The following ERC2 variants were observed in gnomAD, a reference collection of about 807,000 sequenced individuals.
ERC2 encodes ERC protein 2.
Under a neutral mutation model 114.8 loss-of-function variants are expected in ERC2, and 42 were observed. The observed-to-expected ratio is 0.37, with a 90% CI of 0.29 to 0.47. ERC2 has a LOEUF of 0.47. Among genes scored for constraint, ERC2 ranks in the 20% least tolerant of loss-of-function variants. The probability of loss-of-function intolerance (pLI) is 0.99; values close to 1 mark genes in which losing one functional copy is unlikely to be tolerated. For synonymous variants in ERC2, 454 were observed against 425.5 expected (o/e 1.07, Z -0.82); for missense variants, 939 against 1,150.7 (o/e 0.82, Z 2.66).
At chr3:55,621,542 A>C (rs1033686998) in intron 17 of ERC2, among the ~76,000 whole-genome samples, 6 of 152,186 alleles carry the variant, frequency 3.9e-5, no homozygotes, top group Admixed American at 2.6e-4. Flanking sequence ...CAGGCACTGT[A>C]CTAGGCTAGG....
At chr3:56,056,551 A>G (rs1041619121) in intron 7 of ERC2, among the ~76,000 whole-genome samples, 1 of 152,182 alleles carries the variant, frequency 6.6e-6, no homozygotes, top group Non-Finnish European at 1.5e-5. Flanking sequence ...TGTATTATGT[A>G]TCATACATTA....
chr3:56,272,772 A>G (rs1215879173), intron 3 of ERC2, among the ~76,000 whole-genome samples: 1 of 149,814 alleles, frequency 6.7e-6, no homozygotes, highest in Non-Finnish European at 1.5e-5. Flanking sequence ...TCTCAATAAT[A>G]AAAAACAAAG....
At chr3:56,094,929 T>C (rs1244792993) in intron 6 of ERC2, among the ~76,000 whole-genome samples, 1 of 152,228 alleles carries the variant, frequency 6.6e-6, no homozygotes, top group Admixed American at 6.5e-5. Context: ...AATAAAGAGT[T>C]AGATGTAAAA....
At chr3:56,274,202 T>G (rs527985233) in intron 3 of ERC2, among the ~76,000 whole-genome samples, 1 of 152,204 alleles carries the variant, frequency 6.6e-6, no homozygotes, top group African/African-American at 2.4e-5. Flanking sequence ...TGAACCTTAT[T>G]GTGAACTGCG....
chr3:56,355,003 T>C (rs2058690078), intron 2 of ERC2, among the ~76,000 whole-genome samples: 1 of 152,162 alleles, frequency 6.6e-6, no homozygotes, highest in Non-Finnish European at 1.5e-5. Flanking sequence ...TACAGAAACA[T>C]CATCAAATGC....
At chr3:56,017,826 T>C (rs1284920959) in intron 8 of ERC2, among the ~76,000 whole-genome samples, 4 of 152,176 alleles carry the variant, frequency 2.6e-5, no homozygotes. Context: ...ACCCATTTTC[T>C]TCTCTGCTGC....
chr3:55,614,778 G>A (rs894971919), intron 17 of ERC2, among the ~76,000 whole-genome samples: 25 of 152,150 alleles, frequency 1.6e-4, no homozygotes, highest in Admixed American at 7.9e-4. Context: ...AAGACTGAGC[G>A]GGGAAAAAAC....
intron 2 of ERC2, among the ~76,000 whole-genome samples, chr3:56,408,347 C>T (rs1050551951): frequency 2.0e-5 from 3 of 152,148 alleles, no homozygotes; most frequent in African/African-American, 7.2e-5. Context: ...GTTGCTTGCC[C>T]AAGGACACAG....
intron 6 of ERC2, among the ~76,000 whole-genome samples, chr3:56,122,950 C>T (rs1281224353): frequency 1.3e-5 from 2 of 152,274 alleles, no homozygotes; most frequent in East Asian, 3.9e-4. Flanking sequence ...TTTAAGTCTT[C>T]ATACCGCAAG....
intron 14 of ERC2, among the ~76,000 whole-genome samples, chr3:55,877,907 G>C (rs1391454730): frequency 6.6e-6 from 1 of 152,044 alleles, no homozygotes; most frequent in Non-Finnish European, 1.5e-5. Flanking sequence ...ATCTGGCAAC[G>C]CCCCCTACAG....
At chr3:56,266,035 T>TAAAAA (rs2053273023) in intron 3 of ERC2, among the ~76,000 whole-genome samples, 1 of 8,650 alleles carries the variant, frequency 1.2e-4, no homozygotes, top group East Asian at 7.6e-4. Context: ...ACCAAAAAAA[T>TAAAAA]AAAATAAAAT....
intron 17 of ERC2, among the ~76,000 whole-genome samples, chr3:55,593,180 A>G (rs1169575070): frequency 1.8e-4 from 27 of 152,084 alleles, no homozygotes. Context: ...CTGTCACACT[A>G]ATGTTAGGGT....
intron 14 of ERC2, among the ~76,000 whole-genome samples, chr3:55,857,100 T>G (rs1422517944): frequency 6.6e-6 from 1 of 152,168 alleles, no homozygotes; most frequent in Non-Finnish European, 1.5e-5. Flanking sequence ...GGTGATGGGT[T>G]GTACTGCAAA....
chr3:55,661,887 T>C (rs544176838), intron 17 of ERC2, among the ~76,000 whole-genome samples: 1 of 152,208 alleles, frequency 6.6e-6, no homozygotes, highest in South Asian at 2.1e-4. Context: ...TTGTTAAATA[T>C]GGACTTTTCA....
At chr3:56,000,925 T>A (rs1356585947) in intron 10 of ERC2, among the ~76,000 whole-genome samples, 2 of 149,626 alleles carry the variant, frequency 1.3e-5, no homozygotes, top group Non-Finnish European at 1.5e-5. Flanking sequence ...GGGGAAGAAA[T>A]TACCAACATT....
chr3:56,452,145 A>G (rs2062852110), intron 1 of ERC2, among the ~76,000 whole-genome samples: 1 of 152,240 alleles, frequency 6.6e-6, no homozygotes, highest in African/African-American at 2.4e-5. Flanking sequence ...CTTGATCAGC[A>G]CAGCACCATG....
chr3:55,880,871 C>T (rs1222364701), intron 14 of ERC2, among the ~76,000 whole-genome samples: 1 of 151,670 alleles, frequency 6.6e-6, no homozygotes, highest in Non-Finnish European at 1.5e-5. Flanking sequence ...TGTATGCTAA[C>T]TGTAATGAAT....
chr3:55,619,718 T>G (rs891442430), intron 17 of ERC2, among the ~76,000 whole-genome samples: 9 of 152,156 alleles, frequency 5.9e-5, no homozygotes, highest in African/African-American at 2.2e-4. Context: ...AAGTGGATCC[T>G]TTGGTTGGTA....
chr3:56,429,860 C>T (rs1419716196), intron 2 of ERC2, among the ~76,000 whole-genome samples: 5 of 152,162 alleles, frequency 3.3e-5, no homozygotes, highest in Admixed American at 6.5e-5. Context: ...CCCTGTAACA[C>T]AGAGAGGGAG....
Sources: allele counts gnomAD v4.1 joint callset (sites outside exome capture counted in the v4.1 genomes callset), GRCh38; gene constraint gnomAD v4.1.1; transcripts MANE v1.5; gene names NCBI Gene and HGNC (gene_info 2026-07-23, HGNC 2026-07-21).